The following VIPR2 variants were observed in gnomAD, a reference collection of about 807,000 sequenced individuals.
VIPR2 encodes vasoactive intestinal peptide receptor 2.
VIPR2 carries 48 observed loss-of-function variants against 58.0 expected under a neutral mutation model. That is an observed-to-expected ratio of 0.83 (90% CI 0.66 to 1.05). The LOEUF (loss-of-function observed/expected upper bound fraction) is 1.05. Ranked by LOEUF, VIPR2 falls within the 50% of genes least tolerant of loss-of-function variation. The pLI is 0.00. For missense variants in VIPR2, 534 were observed against 558.0 expected, an observed-to-expected ratio of 0.96 and a Z score of 0.43; for synonymous variants, 243 against 235.2, an observed-to-expected ratio of 1.03 and a Z score of -0.30.
intron 5 of VIPR2, among the ~76,000 whole-genome samples, chr7:159,051,207 G>A (rs530328821): frequency 5.3e-5 from 8 of 152,218 alleles, no homozygotes; most frequent in East Asian, 1.9e-4. Flanking sequence ...AAGTAAATGC[G>A]ACCTTTAACA....
intron 4 of VIPR2, among the ~76,000 whole-genome samples, chr7:159,094,859 T>C (rs1354811207): frequency 6.6e-6 from 1 of 152,228 alleles, no homozygotes; most frequent in African/African-American, 2.4e-5. Flanking sequence ...TGGAGCTTTT[T>C]ATCCCATTGA....
At chr7:159,144,432 C>T (rs1797606733) in intron 1 of VIPR2, 2 of 1,547,700 alleles carry the variant, frequency 1.3e-6, no homozygotes, top group Non-Finnish European at 1.7e-6. Context: ...ATCGTTGACG[C>T]GTCCAGGAAG....
rs1036022382 is a variant in VIPR2, at chr7:159,093,309, C to T, written c.357+10448G>A. Among the ~76,000 whole-genome samples, 1 of 152,326 alleles carries T rather than the reference C, an allele frequency of 6.6e-6. No individual in the cohort carries two copies. The highest frequency in any genetic ancestry group is 1.5e-5 in the Non-Finnish European group (1 of 68,030). ...AACACAGGAGGCTGGTCTCGTCCAT[C>T]TTCTCAGAGGTCATCCTTCAGGGAA... On this transcript the variant is annotated intron_variant, in intron 4 of 12. Transcript: ENST00000262178. This position sits in a 1 kb window ranked among gnomAD's most constrained non-coding sequence, Gnocchi z 6.7.
At position 159,132,196 on chromosome 7, in the gene VIPR2, C is replaced by T. The variant is rs369269939; in HGVS notation, c.151+10250G>A. ...CCTCAGTTTACCTTTTTGACAGTCT[C>T]GTCAGAAGTGAGATCCCCAGGAGCA... On this transcript the variant is annotated intron_variant, in intron 2 of 12. Coordinates refer to ENST00000262178, the MANE Select transcript of VIPR2 (RefSeq NM_003382.5). Among the ~76,000 whole-genome samples, 137 of 134,238 alleles carry T rather than the reference C, an allele frequency of 1.0e-3. No homozygotes were observed. The East Asian group carries it at 0.019, about 19-fold the overall frequency. The allele number at this position is 134,238 out of a possible 152,430, so 88.1% of individuals were successfully genotyped here.
intron 2 of VIPR2, among the ~76,000 whole-genome samples, chr7:159,110,418 G>A (rs550173168): frequency 3.9e-5 from 6 of 152,316 alleles, no homozygotes; most frequent in African/African-American, 1.4e-4. Context: ...TTTGCATAAT[G>A]CATAGCTTAA....
intron 2 of VIPR2, among the ~76,000 whole-genome samples, chr7:159,135,880 G>A (rs2129497900): frequency 6.6e-6 from 1 of 152,284 alleles, no homozygotes; most frequent in East Asian, 1.9e-4. Context: ...CAGCCGGACG[G>A]TTTAATTTCC....
chr7:159,063,653 G>A (rs1855859654), intron 4 of VIPR2, among the ~76,000 whole-genome samples: 3 of 150,634 alleles, frequency 2.0e-5, no homozygotes, highest in Non-Finnish European at 1.5e-5. Flanking sequence ...CGCCAAGAGC[G>A]AGCGAGGGCT....
chr7:159,132,831 G>GACAGAATGATTGGCATACCGATTGATTTT (rs1796996212), intron 2 of VIPR2, among the ~76,000 whole-genome samples: 8 of 40,506 alleles, frequency 2.0e-4, no homozygotes, highest in East Asian at 1.6e-3. Flanking sequence ...CGATTGATTT[G>GACAGAATGATTGGCATACCGATTGATTTT]AGACAGAATG....
intron 2 of VIPR2, among the ~76,000 whole-genome samples, chr7:159,114,287 G>T (rs1315249989): frequency 6.6e-6 from 1 of 151,446 alleles, no homozygotes; most frequent in Admixed American, 6.6e-5. Context: ...GAGGAGAAGG[G>T]GAGGCAGGCA....
chr7:159,144,227 G>A (rs892698727), intron 1 of VIPR2: 3 of 1,313,294 alleles, frequency 2.3e-6, no homozygotes, highest in African/African-American at 1.5e-5. Context: ...AGTGCCCTTG[G>A]GAAAAAGCAA....
At chr7:159,054,238 G>T (rs2730260) in intron 5 of VIPR2, among the ~76,000 whole-genome samples, 109,268 of 152,062 alleles carry the variant, frequency 0.72, 40,326 homozygotes, top group Middle Eastern at 0.83. Flanking sequence ...ACAGAAACAT[G>T]AAAAGTTAAA....
At chr7:159,100,490 C>T (rs982330838) in intron 4 of VIPR2, among the ~76,000 whole-genome samples, 3 of 151,938 alleles carry the variant, frequency 2.0e-5, no homozygotes, top group Non-Finnish European at 4.4e-5. Flanking sequence ...TGCCAGCCAG[C>T]ACCACCTTAT....
At chr7:159,133,405 T>TA (rs1466738356) in intron 2 of VIPR2, among the ~76,000 whole-genome samples, 1 of 152,294 alleles carries the variant, frequency 6.6e-6, no homozygotes, top group Non-Finnish European at 1.5e-5. Context: ...CCGAAATCTT[T>TA]AAAATGCAGG....
At chr7:159,112,649 C>T (rs534648474) in intron 2 of VIPR2, among the ~76,000 whole-genome samples, 3 of 152,270 alleles carry the variant, frequency 2.0e-5, no homozygotes, top group South Asian at 2.1e-4. Flanking sequence ...CGACGGGACC[C>T]GGCCGAGAGC....
chr7:159,046,906 T>C (rs1854686381), intron 5 of VIPR2, among the ~76,000 whole-genome samples: 1 of 152,162 alleles, frequency 6.6e-6, no homozygotes, highest in Admixed American at 6.5e-5. Context: ...TAAGCCAAAC[T>C]ATTGCCCACA....
In VIPR2 at chr7:159,093,408, G is replaced by A. The variant is rs1036110303; in HGVS notation, c.357+10349C>T. Among the ~76,000 whole-genome samples, 2 of 152,188 alleles carry A rather than the reference G, an allele frequency of 1.3e-5. No individual in the cohort carries two copies. The highest frequency in any genetic ancestry group is 4.8e-5 in the African/African-American group (2 of 41,446). On this transcript the variant is annotated intron_variant, in intron 4 of 12. Transcript: ENST00000262178. The surrounding 1 kb of genome is among the most constrained non-coding windows in gnomAD (Gnocchi z 6.7). ...GTCAGGGCAGGCACCGCGGCTCCAC[G>A]CTTACTTTCGAGGGTGCTGGCGGGT...
intron 4 of VIPR2, among the ~76,000 whole-genome samples, chr7:159,060,767 C>T (rs1394598316): frequency 6.6e-6 from 1 of 151,774 alleles, no homozygotes; most frequent in African/African-American, 2.4e-5. Context: ...CTTACCTAAC[C>T]CACCCTCACC....
At chr7:159,107,818 G>A (rs971541153) in intron 3 of VIPR2, among the ~76,000 whole-genome samples, 2 of 152,190 alleles carry the variant, frequency 1.3e-5, no homozygotes, top group Admixed American at 6.5e-5. Flanking sequence ...CCAGGGTCCC[G>A]CCTGGCACAG....
intron 4 of VIPR2, among the ~76,000 whole-genome samples, chr7:159,094,074 C>T (rs1393632347): frequency 6.6e-6 from 1 of 152,152 alleles, no homozygotes; most frequent in Non-Finnish European, 1.5e-5. Flanking sequence ...TTAAGAGGCC[C>T]CAAGAGGAGA....
Sources: allele counts gnomAD v4.1 joint callset (sites outside exome capture counted in the v4.1 genomes callset), GRCh38; gene constraint gnomAD v4.1.1; non-coding constraint Gnocchi (gnomAD v3.1); transcripts MANE v1.5; gene names NCBI Gene and HGNC (gene_info 2026-07-23, HGNC 2026-07-21).